Variants in CNTNAP5 observed in about 807,000 individuals in gnomAD.
CNTNAP5 encodes contactin associated protein family member 5, also known as contactin-associated protein-like 5.
A neutral mutation model predicts 150.2 loss-of-function variants in CNTNAP5; 72 were observed. The observed-to-expected ratio is 0.48, with a 90% CI of 0.40 to 0.58. The LOEUF (loss-of-function observed/expected upper bound fraction) is 0.58, where lower values mean the gene tolerates loss of function less well. CNTNAP5 is among the 20% of genes least tolerant of loss of function. CNTNAP5 has a pLI of 0.00. For synonymous variants in CNTNAP5, 672 were observed against 619.8 expected (o/e 1.08, Z -1.25); for missense variants, 1,636 against 1,626.2 (o/e 1.01, Z -0.10).
chr2:124,512,748 A>C (rs915104935), intron 8 of CNTNAP5, among the ~76,000 whole-genome samples: 3 of 152,216 alleles, frequency 2.0e-5, no homozygotes, highest in African/African-American at 7.2e-5. Flanking sequence ...TGTAAAAAAC[A>C]TTTAAGCCAT....
chr2:124,593,042 T>C (rs1289636713), intron 11 of CNTNAP5, among the ~76,000 whole-genome samples: 2 of 151,588 alleles, frequency 1.3e-5, no homozygotes, highest in Non-Finnish European at 2.9e-5. Flanking sequence ...CTTTTGCTGC[T>C]TCTAATTTAC....
intron 3 of CNTNAP5, among the ~76,000 whole-genome samples, chr2:124,417,050 G>T (rs1330211337): frequency 6.8e-6 from 1 of 147,220 alleles, no homozygotes; most frequent in African/African-American, 2.5e-5. Flanking sequence ...TGATTATCCT[G>T]CCTCAGTCTC....
At chr2:124,192,383 G>T (rs998607) in intron 1 of CNTNAP5, among the ~76,000 whole-genome samples, 1 of 151,922 alleles carries the variant, frequency 6.6e-6, no homozygotes, top group Non-Finnish European at 1.5e-5. Flanking sequence ...TTCTTTGCCC[G>T]ATCAAGTACT....
At chr2:124,666,505 C>T (rs903088602) in intron 13 of CNTNAP5, among the ~76,000 whole-genome samples, 7 of 152,088 alleles carry the variant, frequency 4.6e-5, no homozygotes, top group African/African-American at 1.7e-4. Context: ...TCAGCTGTGC[C>T]TAAACTCCAA....
intron 1 of CNTNAP5, among the ~76,000 whole-genome samples, chr2:124,185,605 G>A (rs1350741886): frequency 2.3e-4 from 35 of 152,138 alleles, no homozygotes; most frequent in Admixed American, 2.3e-3. Flanking sequence ...TTATTCAGAG[G>A]ATGCTTTATT....
chr2:124,510,229 TTATATATCTATATATCTATATCTATATC>T (rs1694526245), intron 8 of CNTNAP5, among the ~76,000 whole-genome samples: 1 of 70,600 alleles, frequency 1.4e-5, no homozygotes, highest in African/African-American at 4.9e-5. Flanking sequence ...AAAAAGTAAA[TTATATATCTATATATCTATATCTATATC>T]TATATATCTA....
At chr2:124,454,624 A>T (rs1693070649) in intron 6 of CNTNAP5, among the ~76,000 whole-genome samples, 1 of 152,132 alleles carries the variant, frequency 6.6e-6, no homozygotes, top group African/African-American at 2.4e-5. Context: ...GTTCTCCAAG[A>T]TAGAGGATAT....
rs558258794 is a variant in CNTNAP5, at chr2:124,199,923, G to C, written c.83-21782G>C. On this transcript the variant is annotated intron_variant, in intron 1 of 23. Coordinates refer to ENST00000682447, the MANE Select transcript of CNTNAP5 (RefSeq NM_001367498.1). The stretch of plus-strand genomic sequence containing the variant: ...TACAATCATCACCCATGAATAATGA[G>C]AGTTACACTTCCTGCTTTCCAATCA... Among the ~76,000 whole-genome samples, 15 of 152,206 alleles carry C rather than the reference G, an allele frequency of 9.9e-5. No homozygotes were observed. The East Asian group carries it at 2.9e-3, about 29-fold the overall frequency.
At chr2:124,823,646 C>T (rs1211752057) in intron 19 of CNTNAP5, among the ~76,000 whole-genome samples, 1 of 152,130 alleles carries the variant, frequency 6.6e-6, no homozygotes, top group South Asian at 2.1e-4. Flanking sequence ...TACAGGCAGA[C>T]CTATGGATGA....
chr2:124,715,102 G>C lies in CNTNAP5; in HGVS notation c.2078-32127G>C, dbSNP rs1343721814. ...CTTGGATCCCAGTAATGCGGAGTGT[G>C]TTTAATCCTTGGTTAGTTACACAAG... On this transcript the variant is annotated intron_variant, in intron 13 of 23. Coordinates refer to ENST00000682447, the MANE Select transcript of CNTNAP5 (RefSeq NM_001367498.1). Among the ~76,000 whole-genome samples, 3 of 152,112 alleles carry C rather than the reference G, an allele frequency of 2.0e-5. No individual in the cohort carries two copies. In the East Asian group the frequency reaches 5.8e-4, roughly 29 times the overall value.
Position 124,242,150 on chromosome 2 carries a change from A to T in CNTNAP5, c.188-50A>T, listed in dbSNP as rs1285495560. On this transcript the variant is annotated intron_variant, in intron 2 of 23. Coordinates refer to ENST00000682447, the MANE Select transcript of CNTNAP5 (RefSeq NM_001367498.1). ...CCTTTGATAGTTGAAAATTGTAGCT[A>T]TGTGAGACATTACTACAACTCTCTC... 4 of 1,400,230 alleles carry T rather than the reference A, an allele frequency of 2.9e-6. No homozygotes were observed. In the South Asian group the frequency reaches 5.0e-5, roughly 18 times the overall value. 86.7% of individuals were successfully genotyped at this position (1,400,230 alleles called of 1,614,324 possible).
At chr2:124,198,454 C>A (rs1434833103) in intron 1 of CNTNAP5, among the ~76,000 whole-genome samples, 1 of 151,816 alleles carries the variant, frequency 6.6e-6, no homozygotes, top group Non-Finnish European at 1.5e-5. Flanking sequence ...GGTACATGTG[C>A]AGCTTTTTCA....
chr2:124,909,431 C>T (rs1056510763), intron 22 of CNTNAP5, among the ~76,000 whole-genome samples: 1 of 152,098 alleles, frequency 6.6e-6, no homozygotes, highest in African/African-American at 2.4e-5. Flanking sequence ...ATGATTTCCA[C>T]ACAACGACAA....
intron 8 of CNTNAP5, among the ~76,000 whole-genome samples, chr2:124,510,513 ATATATACATATATCTC>A (rs1694560922): frequency 1.5e-5 from 2 of 134,552 alleles, no homozygotes; most frequent in African/African-American, 5.6e-5. Context: ...ATATATATAT[ATATATACATATATCTC>A]CATATATCAA....
intron 1 of CNTNAP5, among the ~76,000 whole-genome samples, chr2:124,040,033 T>C (rs1239651937): frequency 6.6e-6 from 1 of 152,180 alleles, no homozygotes; most frequent in Non-Finnish European, 1.5e-5. Context: ...AATATTTACC[T>C]CTCTAGATGA....
intron 13 of CNTNAP5, among the ~76,000 whole-genome samples, chr2:124,709,464 T>C (rs1270122252): frequency 6.6e-6 from 1 of 152,134 alleles, no homozygotes; most frequent in African/African-American, 2.4e-5. Context: ...GTAGAAAATT[T>C]GTATAACCAA....
intron 21 of CNTNAP5, among the ~76,000 whole-genome samples, chr2:124,885,529 C>A (rs1161084575): frequency 6.7e-6 from 1 of 148,772 alleles, no homozygotes; most frequent in African/African-American, 2.5e-5. Context: ...TTGTTTCTAT[C>A]TAGCTCCAAA....
chr2:124,330,415 T>A (rs897947164), intron 3 of CNTNAP5, among the ~76,000 whole-genome samples: 1 of 152,184 alleles, frequency 6.6e-6, no homozygotes, highest in African/African-American at 2.4e-5. Flanking sequence ...TGAATTGTAA[T>A]CCCCATAATC....
chr2:124,626,980 C>T (rs780471310), intron 12 of CNTNAP5, among the ~76,000 whole-genome samples: 5 of 152,164 alleles, frequency 3.3e-5, no homozygotes, highest in African/African-American at 4.8e-5. Context: ...GGAGCTGTGG[C>T]AGATCATGGC....
Sources: gnomAD v4.1 joint callset for allele counts (sites outside exome capture counted in the v4.1 genomes callset) on GRCh38, gnomAD v4.1.1 for gene constraint, MANE v1.5 for transcripts, NCBI Gene and HGNC (gene_info 2026-07-23, HGNC 2026-07-21) for gene names.